GALNT10: variants seen among roughly 807,000 people sequenced by gnomAD.
The protein encoded by GALNT10 is polypeptide N-acetylgalactosaminyltransferase 10.
In GALNT10, 41 loss-of-function variants were observed where a neutral mutation model predicts 75.0. The observed-to-expected ratio is 0.55, with a 90% confidence interval of 0.43 to 0.71. The LOEUF is 0.71. GALNT10 is among the 30% of genes least tolerant of loss of function. The pLI, the probability that GALNT10 is intolerant of heterozygous loss-of-function variation, is 0.00. For synonymous variants in GALNT10, 302 were observed against 313.0 expected (o/e 0.96, Z 0.37); for missense variants, 727 against 818.5 (o/e 0.89, Z 1.36).
chr5:154,293,625 C>CTTTTTTTTTTTT (rs1320287927), intron 1 of GALNT10, among the ~76,000 whole-genome samples: 11 of 128,050 alleles, frequency 8.6e-5, no homozygotes, highest in Admixed American at 1.5e-4. Context: ...TTTTTTTTTC[C>CTTTTTTTTTTTT]TTTCAGCCAT....
intron 3 of GALNT10, among the ~76,000 whole-genome samples, chr5:154,317,102 A>T (rs1163114097): frequency 1.3e-5 from 2 of 152,218 alleles, no homozygotes; most frequent in African/African-American, 2.4e-5. Context: ...ATGGGATAGG[A>T]ACTTGCCGGG....
intron 1 of GALNT10, among the ~76,000 whole-genome samples, chr5:154,218,850 A>T (rs745630705): frequency 2.6e-5 from 4 of 151,910 alleles, no homozygotes; most frequent in Non-Finnish European, 5.9e-5. Flanking sequence ...TTTCCCCGAG[A>T]GTCAGTGCTG....
intron 1 of GALNT10, among the ~76,000 whole-genome samples, chr5:154,280,053 T>C (rs561560269): frequency 6.6e-6 from 1 of 152,268 alleles, no homozygotes; most frequent in Admixed American, 6.5e-5. Flanking sequence ...GTGGTATATA[T>C]ACAAAATAGA....
intron 1 of GALNT10, among the ~76,000 whole-genome samples, chr5:154,215,911 T>TA (rs1170219985): frequency 6.6e-6 from 1 of 152,188 alleles, no homozygotes; most frequent in Non-Finnish European, 1.5e-5. Flanking sequence ...TACCTTTCTG[T>TA]TTTTTAGCTG....
chr5:154,334,761 C>G (rs1754917097), intron 4 of GALNT10, among the ~76,000 whole-genome samples: 1 of 152,182 alleles, frequency 6.6e-6, no homozygotes, highest in African/African-American at 2.4e-5. Flanking sequence ...AGCAGAAGTT[C>G]TTAGCAGGTG....
intron 1 of GALNT10, among the ~76,000 whole-genome samples, chr5:154,206,325 T>A (rs1170896472): frequency 6.6e-6 from 1 of 152,240 alleles, no homozygotes; most frequent in Admixed American, 6.5e-5. Flanking sequence ...TTAACTGTAT[T>A]ATCCTTTTGT....
chr5:154,412,134 T>C lies in GALNT10; in HGVS notation c.1387-755T>C, dbSNP rs1235450393. Among the ~76,000 whole-genome samples, 2 of 152,134 alleles carry C rather than the reference T, an allele frequency of 1.3e-5. No homozygotes were observed. Among genetic ancestry groups the C allele is most frequent in the African/African-American group, 4.8e-5 (2 of 41,422 alleles). On this transcript the variant is annotated intron_variant, in intron 9 of 11. Coordinates refer to ENST00000297107, the MANE Select transcript of GALNT10 (RefSeq NM_198321.4). This position sits in a 1 kb window ranked among gnomAD's most constrained non-coding sequence, Gnocchi z 4.2. ...CAATGAGACTCTCTGCAACAGGAAA[T>C]TGGGTGGTGCATTTTCATAGCCACC... is the stretch of plus-strand genomic sequence containing the variant.
chr5:154,217,969 G>T (rs951801069), intron 1 of GALNT10: 8 of 975,924 alleles, frequency 8.2e-6, no homozygotes, highest in Non-Finnish European at 9.7e-6. Flanking sequence ...AAATGTTGGG[G>T]TAGGGATAGA....
At chr5:154,257,832 T>C (rs531617967) in intron 1 of GALNT10, among the ~76,000 whole-genome samples, 1 of 152,288 alleles carries the variant, frequency 6.6e-6, no homozygotes, top group African/African-American at 2.4e-5. Context: ...TCTTGATGAG[T>C]AGATTTTGCA....
chr5:154,294,971 T>C, intron 2 of GALNT10, 53 bp downstream of exon 2: 1 of 833,218 alleles, frequency 1.2e-6, no homozygotes, highest in East Asian at 2.4e-5. Flanking sequence ...CATATGCACA[T>C]ATGCTTGTGT....
At position 154,367,866 on chromosome 5, in the gene GALNT10, A is replaced by T. The variant is rs575486571; in HGVS notation, c.569-8411A>T. ...GAGCAAGACTCCGTCTCAAAAAAAA[A>T]AAAAAAGAGAGAGACTCAGTCTCAA... is the stretch of plus-strand genomic sequence containing the variant. On this transcript the variant is annotated intron_variant, in intron 4 of 11. Transcript: ENST00000297107. Among the ~76,000 whole-genome samples, 399 of 152,178 alleles carry T rather than the reference A, an allele frequency of 2.6e-3. 1 individual carries two copies. Among genetic ancestry groups the T allele is most frequent in the South Asian group, 5.0e-3 (24 of 4,826 alleles).
intron 1 of GALNT10, among the ~76,000 whole-genome samples, chr5:154,282,464 T>A (rs1376655434): frequency 6.6e-6 from 1 of 152,204 alleles, no homozygotes; most frequent in Non-Finnish European, 1.5e-5. Context: ...AGCAATCATA[T>A]TCCCAGCTAA....
chr5:154,221,681 T>C (rs183315696), intron 1 of GALNT10, among the ~76,000 whole-genome samples: 1 of 152,354 alleles, frequency 6.6e-6, no homozygotes, highest in East Asian at 1.9e-4. Flanking sequence ...AGTATTGGAC[T>C]GCCAGGACTT....
At chr5:154,219,810 G>C (rs951313186) in intron 1 of GALNT10, 1 of 93,706 alleles carries the variant, frequency 1.1e-5, no homozygotes, top group Non-Finnish European at 2.2e-5. Flanking sequence ...ACACTCTCTC[G>C]CGCTCTCTCT....
rs1038859837 is a variant in GALNT10 at position 154,298,969 on chromosome 5, C to G, written c.401+890C>G. Among the ~76,000 whole-genome samples, 14 of 152,276 alleles carry G rather than the reference C, an allele frequency of 9.2e-5. No homozygotes were observed. Among genetic ancestry groups the G allele is most frequent in the African/African-American group, 3.4e-4 (14 of 41,550 alleles). Reference sequence around the variant, plus strand: ...TGGCGCTGCTTATCTTGGGACCACACTTTGAGAATCACTGCAAGTAGATTT... The same window carrying G: ...TGGCGCTGCTTATCTTGGGACCACAGTTTGAGAATCACTGCAAGTAGATTT... On this transcript the variant is annotated intron_variant, in intron 3 of 11. Transcript: ENST00000297107. This position sits in a 1 kb window ranked among gnomAD's most constrained non-coding sequence, Gnocchi z 4.1.
At chr5:154,221,625 G>A (rs79391870) in intron 1 of GALNT10, among the ~76,000 whole-genome samples, 8 of 20,128 alleles carry the variant, frequency 4.0e-4, no homozygotes, top group East Asian at 5.1e-3. Context: ...ACAGGAAAAG[G>A]AAAAAAAACC....
chr5:154,369,494 A>T (rs917143367), intron 4 of GALNT10, among the ~76,000 whole-genome samples: 1 of 152,194 alleles, frequency 6.6e-6, no homozygotes, highest in Non-Finnish European at 1.5e-5. Context: ...CTTGACGATG[A>T]TAAAGGTGAG....
At chr5:154,361,661 T>G (rs1230709762) in intron 4 of GALNT10, among the ~76,000 whole-genome samples, 1 of 152,220 alleles carries the variant, frequency 6.6e-6, no homozygotes, top group Non-Finnish European at 1.5e-5. Context: ...GATTTTCTGC[T>G]AAAAGAACGT....
Position 154,376,543 on chromosome 5 carries a change from TC to T in GALNT10, c.754+83del. ...GGCCCCCTCCTGCTGCAGGGAGCCA[TC>T]CATAAGCCTTCCCTTGCCTGTTCGA... On this transcript the variant is annotated intron_variant, in intron 5 of 11. Transcript: ENST00000297107. This position sits in a 1 kb window ranked among gnomAD's most constrained non-coding sequence, Gnocchi z 4.1. 1.0e-6 allele frequency: 1 copy of T among 984,228 alleles called. No homozygotes were observed. The highest frequency in any genetic ancestry group is 1.5e-6 in the Non-Finnish European group (1 of 666,462). 61.0% of individuals were successfully genotyped at this position (984,228 alleles called of 1,614,324 possible).
Sources: allele counts gnomAD v4.1 joint callset (sites outside exome capture counted in the v4.1 genomes callset), GRCh38; gene constraint gnomAD v4.1.1; non-coding constraint Gnocchi (gnomAD v3.1); transcripts MANE v1.5; gene names NCBI Gene and HGNC (gene_info 2026-07-23, HGNC 2026-07-21).